TFDP2: variants seen among roughly 807,000 people sequenced by gnomAD.
TFDP2 encodes transcription factor Dp-2, also known as transcription factor Dp-2 (E2F dimerization partner 2).
Under a neutral mutation model 59.3 loss-of-function variants are expected in TFDP2, and 17 were observed. That is an observed-to-expected ratio of 0.29 (90% confidence interval 0.20 to 0.43). TFDP2 has a LOEUF of 0.43. Ranked by LOEUF, TFDP2 falls within the 20% of genes least tolerant of loss-of-function variation. TFDP2 has a pLI of 1.00. For missense variants in TFDP2, 391 were observed against 528.8 expected (o/e 0.74, Z 2.56); for synonymous variants, 180 against 194.7 (o/e 0.92, Z 0.63).
intron 3 of TFDP2, among the ~76,000 whole-genome samples, chr3:142,009,417 TA>T (rs1485570647): frequency 6.6e-6 from 1 of 152,074 alleles, no homozygotes; most frequent in Non-Finnish European, 1.5e-5. Context: ...CTGATTTTCT[TA>T]AAACAAAATG....
intron 3 of TFDP2, among the ~76,000 whole-genome samples, chr3:142,044,929 CAATA>C (rs1479597992): frequency 6.6e-6 from 1 of 152,064 alleles, no homozygotes; most frequent in Non-Finnish European, 1.5e-5. Flanking sequence ...ATCTGGTACT[CAATA>C]TATATTTAGT....
At chr3:142,098,940 T>A (rs915868127) in intron 2 of TFDP2, among the ~76,000 whole-genome samples, 5 of 152,228 alleles carry the variant, frequency 3.3e-5, no homozygotes, top group African/African-American at 1.2e-4. Context: ...ACTTTTTGTG[T>A]TAAGCTGTTT....
intron 3 of TFDP2, among the ~76,000 whole-genome samples, chr3:142,007,217 T>C (rs1485800878): frequency 6.6e-6 from 1 of 152,050 alleles, no homozygotes; most frequent in Non-Finnish European, 1.5e-5. Context: ...CATTATAGAG[T>C]TAATTTTCCC....
rs2061205196 is a variant in TFDP2 at position 142,097,749 on chromosome 3, C to T, written c.15+3986G>A. Reference sequence around the variant, plus strand: ...CCAGAGATATCAAGATAAGAAAATGCATTCATCACAGAAATTAAATAGTAG... The same window carrying T: ...CCAGAGATATCAAGATAAGAAAATGTATTCATCACAGAAATTAAATAGTAG... On this transcript the variant is annotated intron_variant, in intron 2 of 12. Transcript: ENST00000489671. Among the ~76,000 whole-genome samples the T allele has an allele frequency of 2.0e-5, 3 of 152,100 alleles. No individual in the cohort carries two copies. In the South Asian group the frequency reaches 6.2e-4, roughly 32 times the overall value.
At chr3:142,008,236 C>T (rs1002444367) in intron 3 of TFDP2, among the ~76,000 whole-genome samples, 4 of 151,932 alleles carry the variant, frequency 2.6e-5, no homozygotes, top group East Asian at 3.9e-4. Context: ...GGGCTGAGCA[C>T]CACGGCTCTT....
chr3:141,985,881 T>A (rs1942046492), intron 6 of TFDP2, among the ~76,000 whole-genome samples: 1 of 152,196 alleles, frequency 6.6e-6, no homozygotes, highest in South Asian at 2.1e-4. Context: ...GGGATTTCCA[T>A]CTAGAATATA....
intron 3 of TFDP2, among the ~76,000 whole-genome samples, chr3:142,050,281 A>T (rs985877023): frequency 2.1e-4 from 30 of 141,154 alleles, no homozygotes; most frequent in Non-Finnish European, 3.1e-4. Context: ...AAAAAATAAT[A>T]AAAAAAAAAG....
At chr3:142,030,823 A>G (rs1014886802) in intron 3 of TFDP2, among the ~76,000 whole-genome samples, 25 of 147,836 alleles carry the variant, frequency 1.7e-4, no homozygotes, top group Non-Finnish European at 2.7e-4. Flanking sequence ...GCTCACTGCA[A>G]GCTCCGCCTC....
At chr3:142,110,141 C>T (rs894707756) in intron 1 of TFDP2, among the ~76,000 whole-genome samples, 5 of 152,148 alleles carry the variant, frequency 3.3e-5, no homozygotes, top group Admixed American at 6.5e-5. Context: ...ATCTAAGTCT[C>T]CCAAAGTGCT....
intron 3 of TFDP2, among the ~76,000 whole-genome samples, chr3:142,038,383 CA>C (rs1184364752): frequency 0.023 from 946 of 41,392 alleles, 2 homozygotes; most frequent in African/African-American, 0.079. Context: ...GACTCCATCT[CA>C]AAAAAAAAAA....
chr3:142,082,802 A>G (rs528536513), intron 3 of TFDP2, among the ~76,000 whole-genome samples: 1 of 152,352 alleles, frequency 6.6e-6, no homozygotes, highest in East Asian at 1.9e-4. Context: ...CTGAAAAAGC[A>G]TTTGATAAAA....
Position 141,989,395 on chromosome 3 carries a change from C to G in TFDP2, c.356+4143G>C, listed in dbSNP as rs188565721. 8.1e-4 allele frequency: 124 copies of G among 152,388 alleles called. 1 individual carries two copies. Among genetic ancestry groups the G allele is most frequent in the African/African-American group, 2.7e-3 (111 of 41,588 alleles). The allele number at this position is 152,388 out of a possible 1,614,324, so 9.4% of individuals were successfully genotyped here. A position where few individuals can be genotyped will look rare whatever the true frequency, so the allele number is the denominator to read the frequency against. ...CAAGCAGGCAGCCAGTCTGGTCTCTCTCTCTTCCCACAAATACAAATGCCA... is the reference window on the plus strand; with the variant it reads ...CAAGCAGGCAGCCAGTCTGGTCTCTGTCTCTTCCCACAAATACAAATGCCA... On this transcript the variant is annotated intron_variant, in intron 6 of 12. Coordinates refer to ENST00000489671, the MANE Select transcript of TFDP2 (RefSeq NM_001178139.2).
At chr3:142,043,656 C>A (rs1313692939) in intron 3 of TFDP2, 9 of 962,252 alleles carry the variant, frequency 9.4e-6, no homozygotes, top group African/African-American at 1.6e-5. Flanking sequence ...TAGACAAAGT[C>A]TTGATGATCT....
chr3:141,954,943 G>A (rs781309775), intron 11 of TFDP2, among the ~76,000 whole-genome samples: 12 of 152,042 alleles, frequency 7.9e-5, no homozygotes, highest in Non-Finnish European at 1.2e-4. Flanking sequence ...TTTTAGAACC[G>A]TCTTATGAAC....
At chr3:142,095,171 G>A (rs2061123287) in intron 2 of TFDP2, among the ~76,000 whole-genome samples, 1 of 151,874 alleles carries the variant, frequency 6.6e-6, no homozygotes, top group African/African-American at 2.4e-5. Flanking sequence ...TGTATTTTCA[G>A]TAGAGACAGG....
intron 3 of TFDP2, among the ~76,000 whole-genome samples, chr3:142,054,945 T>C: frequency 6.6e-6 from 1 of 152,172 alleles, no homozygotes; most frequent in South Asian, 2.1e-4. Context: ...AAAGTTATAC[T>C]TGAACCTGAT....
intron 6 of TFDP2, among the ~76,000 whole-genome samples, chr3:141,987,795 C>T (rs147973527): frequency 0.047 from 7,042 of 149,910 alleles, 573 homozygotes; most frequent in African/African-American, 0.16. Context: ...AAAAATTAGC[C>T]GGGCATGATG....
intron 1 of TFDP2, among the ~76,000 whole-genome samples, chr3:142,148,537 TG>T (rs2063258441): frequency 6.6e-6 from 1 of 151,036 alleles, no homozygotes; most frequent in South Asian, 2.1e-4. Flanking sequence ...AATTTACAGA[TG>T]AAGAAACCGA....
intron 1 of TFDP2, among the ~76,000 whole-genome samples, chr3:142,146,574 A>C (rs533464117): frequency 5.9e-5 from 9 of 152,328 alleles, no homozygotes; most frequent in African/African-American, 2.2e-4. Flanking sequence ...TTAACTAGTA[A>C]ATTATTATAA....
Sources: gnomAD v4.1 joint callset for allele counts (sites outside exome capture counted in the v4.1 genomes callset) on GRCh38, gnomAD v4.1.1 for gene constraint, MANE v1.5 for transcripts, NCBI Gene and HGNC (gene_info 2026-07-23, HGNC 2026-07-21) for gene names.